Variants in CHST11 observed in about 807,000 individuals in gnomAD.
CHST11 encodes the protein carbohydrate sulfotransferase 11.
Under a neutral mutation model 30.4 loss-of-function variants are expected in CHST11, and 9 were observed. The ratio of observed to expected loss-of-function variants is 0.30; its 90% CI spans 0.18 to 0.52. The LOEUF (loss-of-function observed/expected upper bound fraction) is 0.52. Ranked by LOEUF, CHST11 falls within the 20% of genes least tolerant of loss-of-function variation. The probability of loss-of-function intolerance (pLI) is 0.97; values close to 1 mark genes in which losing one functional copy is unlikely to be tolerated. For synonymous variants in CHST11, 152 were observed against 187.8 expected (o/e 0.81, Z 1.56); for missense variants, 348 against 460.6 (o/e 0.76, Z 2.24).
At chr12:104,579,416 T>C (rs1183968540) in intron 1 of CHST11, among the ~76,000 whole-genome samples, 2 of 152,196 alleles carry the variant, frequency 1.3e-5, no homozygotes, top group Non-Finnish European at 2.9e-5. Flanking sequence ...TGCCAGCGAT[T>C]GATCTTGTGA....
chr12:104,513,485 CT>C (rs1233412706), intron 1 of CHST11, among the ~76,000 whole-genome samples: 1 of 152,098 alleles, frequency 6.6e-6, no homozygotes, highest in East Asian at 1.9e-4. Flanking sequence ...AACATATAAC[CT>C]TTGTGTGTTT....
At chr12:104,537,842 C>T (rs185970671) in intron 1 of CHST11, among the ~76,000 whole-genome samples, 2 of 151,878 alleles carry the variant, frequency 1.3e-5, no homozygotes, top group East Asian at 1.9e-4. Context: ...ACCACAGGTG[C>T]GTACCACCAT....
At chr12:104,682,770 C>T (rs933736375) in intron 2 of CHST11, among the ~76,000 whole-genome samples, 1 of 152,240 alleles carries the variant, frequency 6.6e-6, no homozygotes, top group Non-Finnish European at 1.5e-5. Context: ...AATTCTGCCC[C>T]ATGGCAACCG....
chr12:104,627,795 A>G (rs201680518), intron 2 of CHST11, among the ~76,000 whole-genome samples: 30 of 148,896 alleles, frequency 2.0e-4, no homozygotes, highest in East Asian at 1.0e-3. Context: ...GATGATGATG[A>G]TGGTGGTGGT....
At chr12:104,584,815 A>T (rs999782997) in intron 1 of CHST11, among the ~76,000 whole-genome samples, 1 of 152,192 alleles carries the variant, frequency 6.6e-6, no homozygotes, top group South Asian at 2.1e-4. Context: ...TAGAAGGGAA[A>T]TTCTATAGCA....
intron 2 of CHST11, among the ~76,000 whole-genome samples, chr12:104,692,230 C>T (rs534197603): frequency 3.9e-5 from 6 of 152,314 alleles, no homozygotes; most frequent in African/African-American, 9.6e-5. Flanking sequence ...GTGCAGCCCA[C>T]GAGCACAGCT....
intron 2 of CHST11, among the ~76,000 whole-genome samples, chr12:104,621,194 G>A (rs2039155690): frequency 6.6e-6 from 1 of 152,216 alleles, no homozygotes; most frequent in South Asian, 2.1e-4. Context: ...CCCCCAGTTT[G>A]TGGGGGCATC....
intron 1 of CHST11, among the ~76,000 whole-genome samples, chr12:104,537,419 G>A (rs1357018126): frequency 6.6e-6 from 1 of 152,182 alleles, no homozygotes; most frequent in Non-Finnish European, 1.5e-5. Context: ...AGTTAACAGG[G>A]TGGGCTCTGA....
intron 1 of CHST11, among the ~76,000 whole-genome samples, chr12:104,586,294 T>C (rs2136035931): frequency 6.6e-6 from 1 of 152,262 alleles, no homozygotes; most frequent in African/African-American, 2.4e-5. Context: ...GCTCTTGAGA[T>C]GGACAAAGAA....
chr12:104,561,840 G>T (rs148765010), intron 1 of CHST11, among the ~76,000 whole-genome samples: 1 of 151,540 alleles, frequency 6.6e-6, no homozygotes, highest in East Asian at 1.9e-4. Context: ...CGCCAGGCTG[G>T]AGTGCAGTGG....
intron 1 of CHST11, among the ~76,000 whole-genome samples, chr12:104,597,289 A>G (rs1480934923): frequency 6.6e-6 from 1 of 151,578 alleles, no homozygotes; most frequent in Admixed American, 6.5e-5. Flanking sequence ...AATTGAGCTA[A>G]TTAGATTCTT....
At chr12:104,468,964 ATAAAAT>A (rs1017856104) in intron 1 of CHST11, among the ~76,000 whole-genome samples, 1 of 152,246 alleles carries the variant, frequency 6.6e-6, no homozygotes, top group African/African-American at 2.4e-5. Flanking sequence ...TTAAAATTAA[ATAAAAT>A]TAAATTTTAA....
chr12:104,466,452 C>G (rs1413786228), intron 1 of CHST11, among the ~76,000 whole-genome samples: 2 of 152,164 alleles, frequency 1.3e-5, no homozygotes, highest in Admixed American at 1.3e-4. Flanking sequence ...AATGCTGTTG[C>G]AAAAAACCCT....
chr12:104,692,237 A>G (rs1406668926), intron 2 of CHST11, among the ~76,000 whole-genome samples: 1 of 152,192 alleles, frequency 6.6e-6, no homozygotes, highest in Non-Finnish European at 1.5e-5. Flanking sequence ...CCACGAGCAC[A>G]GCTGCTCCGA....
chr12:104,597,405 G>T (rs1039919391), intron 1 of CHST11, among the ~76,000 whole-genome samples: 1 of 152,070 alleles, frequency 6.6e-6, no homozygotes, highest in South Asian at 2.1e-4. Context: ...GAAGCCTGCC[G>T]TTAAATGTCC....
intron 2 of CHST11, among the ~76,000 whole-genome samples, chr12:104,681,825 C>CTT (rs149441295): frequency 0.018 from 1,514 of 85,076 alleles, 48 homozygotes; most frequent in African/African-American, 0.05. Flanking sequence ...GTCTGTTTTG[C>CTT]TTTTTTTTTT....
chr12:104,725,601 G>A (rs1013309072), intron 2 of CHST11, among the ~76,000 whole-genome samples: 4 of 150,654 alleles, frequency 2.7e-5, no homozygotes, highest in African/African-American at 4.9e-5. Flanking sequence ...ACTTGCAATC[G>A]TGGGAAGTGG....
At chr12:104,717,116 T>C (rs2040137410) in intron 2 of CHST11, among the ~76,000 whole-genome samples, 2 of 152,250 alleles carry the variant, frequency 1.3e-5, no homozygotes, top group African/African-American at 2.4e-5. Context: ...GCTAATCTTT[T>C]TATTTTGTGG....
chr12:104,620,635 T>C (rs1417473020), intron 2 of CHST11, among the ~76,000 whole-genome samples: 2 of 152,184 alleles, frequency 1.3e-5, no homozygotes, highest in Non-Finnish European at 2.9e-5. Context: ...TATTTATTTG[T>C]TTGTTTGTTT....
Sources: allele counts gnomAD v4.1 joint callset (sites outside exome capture counted in the v4.1 genomes callset), GRCh38; gene constraint gnomAD v4.1.1; transcripts MANE v1.5; gene names NCBI Gene and HGNC (gene_info 2026-07-23, HGNC 2026-07-21).